The following JAKMIP1 variants were observed in gnomAD, a reference collection of about 807,000 sequenced individuals.
The protein encoded by JAKMIP1 is janus kinase and microtubule-interacting protein 1.
In JAKMIP1, 33 loss-of-function variants were observed where a neutral mutation model predicts 113.0. That is an observed-to-expected ratio of 0.29 (90% CI 0.22 to 0.39). JAKMIP1 has a LOEUF of 0.39. JAKMIP1 is among the 10% of genes least tolerant of loss of function. The probability of loss-of-function intolerance (pLI) is 1.00; values close to 1 mark genes in which losing one functional copy is unlikely to be tolerated. For missense variants in JAKMIP1, 813 were observed against 1,080.5 expected (o/e 0.75, Z 3.47); for synonymous variants, 480 against 459.9 (o/e 1.04, Z -0.56).
chr4:6,053,329 G>A (rs956025715), intron 13 of JAKMIP1, among the ~76,000 whole-genome samples: 1 of 152,226 alleles, frequency 6.6e-6, no homozygotes, highest in African/African-American at 2.4e-5. Context: ...CATGTGAACA[G>A]CAACTGATCT....
At position 6,135,647 on chromosome 4, in the gene JAKMIP1, C is replaced by G. The variant is rs1293208773; in HGVS notation, c.-147-22650G>C. 6.6e-6 allele frequency among the ~76,000 whole-genome samples: 1 copy of G among 152,222 alleles called. No individual in the cohort carries two copies. Among genetic ancestry groups the G allele is most frequent in the African/African-American group, 2.4e-5 (1 of 41,464 alleles). On this transcript the variant is annotated intron_variant, in intron 1 of 20. Transcript: ENST00000409021. This position sits in a 1 kb window ranked among gnomAD's most constrained non-coding sequence, Gnocchi z 4.9. ...AAATAATCTAGTTCCCTGCATACCA[C>G]TGCATCAACCATACCACCCCCGCTG... is the stretch of plus-strand genomic sequence containing the variant.
In JAKMIP1 at chr4:6,106,350, C is replaced by T. The variant is rs959175059; in HGVS notation, c.130-383G>A. 2.6e-5 allele frequency among the ~76,000 whole-genome samples: 4 copies of T among 152,024 alleles called. No homozygotes were observed. The highest frequency in any genetic ancestry group is 5.9e-5 in the Non-Finnish European group (4 of 68,022). On this transcript the variant is annotated intron_variant, in intron 2 of 20. Transcript: ENST00000409021. The surrounding 1 kb of genome is among the most constrained non-coding windows in gnomAD (Gnocchi z 5.9). ...AGAAATATATTTCCAGGGCCCCATG[C>T]GCGGACTGTGGAGTTGGAAAAGACA...
At chr4:6,115,814 A>G (rs13111089) in intron 1 of JAKMIP1, among the ~76,000 whole-genome samples, 46,865 of 152,162 alleles carry the variant, frequency 0.31, 7,564 homozygotes, top group African/African-American at 0.36. Context: ...CCACAGGAGC[A>G]GCCCACCGGC....
At chr4:6,030,554 A>G (rs772535633) in intron 19 of JAKMIP1, among the ~76,000 whole-genome samples, 4 of 151,954 alleles carry the variant, frequency 2.6e-5, no homozygotes, top group Non-Finnish European at 5.9e-5. Flanking sequence ...CCAGATCTTC[A>G]TGTGCTCACA....
At chr4:6,169,997 C>G (rs865998254) in intron 1 of JAKMIP1, among the ~76,000 whole-genome samples, 1 of 109,924 alleles carries the variant, frequency 9.1e-6, no homozygotes, top group East Asian at 2.4e-4. Flanking sequence ...ACCACCACCA[C>G]CACCACCACC....
At chr4:6,091,052 C>T (rs1721998564) in intron 3 of JAKMIP1, among the ~76,000 whole-genome samples, 1 of 152,228 alleles carries the variant, frequency 6.6e-6, no homozygotes, top group Non-Finnish European at 1.5e-5. Flanking sequence ...ATTTCTAATC[C>T]AAGCCAGCTG....
chr4:6,168,305 G>A lies in JAKMIP1; in HGVS notation c.-148+31948C>T, dbSNP rs1723911642. 6.6e-6 allele frequency among the ~76,000 whole-genome samples: 1 copy of A among 152,152 alleles called. No individual in the cohort carries two copies. The highest frequency in any genetic ancestry group is 1.5e-5 in the Non-Finnish European group (1 of 68,036). ...ACTCCTAAATATGTAACTGAAAGAT[G>A]GGAAAACATATGTGCACACAAAAAC... On this transcript the variant is annotated intron_variant, in intron 1 of 20. Transcript: ENST00000409021. The surrounding 1 kb of genome is among the most constrained non-coding windows in gnomAD (Gnocchi z 4.6).
intron 8 of JAKMIP1, among the ~76,000 whole-genome samples, chr4:6,072,792 T>C (rs1719152910): frequency 6.6e-6 from 1 of 152,028 alleles, no homozygotes; most frequent in African/African-American, 2.4e-5. Flanking sequence ...TGGCAAAACT[T>C]GCAAATGAAA....
At chr4:6,148,320 G>C (rs749822377) in intron 1 of JAKMIP1, among the ~76,000 whole-genome samples, 3 of 152,212 alleles carry the variant, frequency 2.0e-5, no homozygotes, top group Non-Finnish European at 2.9e-5. Flanking sequence ...AGTCTTGAAG[G>C]CTGGCTCATG....
intron 1 of JAKMIP1, among the ~76,000 whole-genome samples, chr4:6,175,259 T>C (rs1725206066): frequency 2.0e-5 from 3 of 152,122 alleles, no homozygotes. Flanking sequence ...AGAACTCCCA[T>C]GTGATAGAAC....
rs4689335 is a variant in JAKMIP1, at chr4:6,087,207, G to T, written c.625-1578C>A. 4.3e-4 allele frequency among the ~76,000 whole-genome samples: 65 copies of T among 152,166 alleles called. No homozygotes were observed. In the South Asian group the frequency reaches 4.6e-3, roughly 11 times the overall value. ...ACACAGACTGCCACAGCAGAGAATT[G>T]GGGTGAAGGGCCCTCTTCTGATAGC... On this transcript the variant is annotated intron_variant, in intron 3 of 20. Coordinates refer to ENST00000409021, the MANE Select transcript of JAKMIP1 (RefSeq NM_001099433.2).
intron 1 of JAKMIP1, among the ~76,000 whole-genome samples, chr4:6,131,167 A>AG (rs1718459584): frequency 6.8e-6 from 1 of 146,992 alleles, no homozygotes; most frequent in African/African-American, 2.5e-5. Context: ...GCCTCCAAAA[A>AG]AAAAAAAATA....
At position 6,180,953 on chromosome 4, in the gene JAKMIP1, C is replaced by T. The variant is rs2109040403; in HGVS notation, c.-148+19300G>A. On this transcript the variant is annotated intron_variant, in intron 1 of 20. Coordinates refer to ENST00000409021, the MANE Select transcript of JAKMIP1 (RefSeq NM_001099433.2). The surrounding 1 kb of genome is among the most constrained non-coding windows in gnomAD (Gnocchi z 4.5). ...CCCCTTTATTAACGTGCAAAGACCC[C>T]TTAAGAAGTCCCAGAAAAGGCCCCA... Among the ~76,000 whole-genome samples the T allele has an allele frequency of 6.6e-6, 1 of 152,186 alleles. No homozygotes were observed. The highest frequency in any genetic ancestry group is 1.9e-4 in the East Asian group (1 of 5,170).
rs900157842 is a variant in JAKMIP1 at position 6,088,144 on chromosome 4, C to T, written c.625-2515G>A. Reference sequence around the variant, plus strand: ...AGCGCTATCAGTGGGTGCTGAGAAACATTAGAGAGCAAAAGAGACCAGCCG... The same window carrying T: ...AGCGCTATCAGTGGGTGCTGAGAAATATTAGAGAGCAAAAGAGACCAGCCG... On this transcript the variant is annotated intron_variant, in intron 3 of 20. Coordinates refer to ENST00000409021, the MANE Select transcript of JAKMIP1 (RefSeq NM_001099433.2). The surrounding 1 kb of genome is among the most constrained non-coding windows in gnomAD (Gnocchi z 5.5). Among the ~76,000 whole-genome samples the T allele has an allele frequency of 2.0e-5, 3 of 152,198 alleles. No homozygotes were observed. The highest frequency in any genetic ancestry group is 4.8e-5 in the African/African-American group (2 of 41,446).
rs1005464626 is a variant in JAKMIP1, at chr4:6,199,298, G to A, written c.-148+955C>T. Among the ~76,000 whole-genome samples, 4 of 152,240 alleles carry A rather than the reference G, an allele frequency of 2.6e-5. No homozygotes were observed. Among genetic ancestry groups the A allele is most frequent in the Non-Finnish European group, 4.4e-5 (3 of 68,044 alleles). ...CCAGCCTTCAGGAGACCGGCGAGCT[G>A]GGGTGTGTGGGAGCGGGATGCTTCT... On this transcript the variant is annotated intron_variant, in intron 1 of 20. Transcript: ENST00000409021. The surrounding 1 kb of genome is among the most constrained non-coding windows in gnomAD (Gnocchi z 5.6).
rs1722033293 is a variant in JAKMIP1 at position 6,154,808 on chromosome 4, G to A, written c.-147-41811C>T. Among the ~76,000 whole-genome samples the A allele has an allele frequency of 6.6e-6, 1 of 152,230 alleles. No homozygotes were observed. Among genetic ancestry groups the A allele is most frequent in the South Asian group, 2.1e-4 (1 of 4,818 alleles). On this transcript the variant is annotated intron_variant, in intron 1 of 20. Transcript: ENST00000409021. This position sits in a 1 kb window ranked among gnomAD's most constrained non-coding sequence, Gnocchi z 4.2. Reference sequence around the variant, plus strand: ...TCCTGTTCTGCCTTTGTATCCAGTGGACAGTCCTTCCTTCCTCCTCCACTT... The same window carrying A: ...TCCTGTTCTGCCTTTGTATCCAGTGAACAGTCCTTCCTTCCTCCTCCACTT...
At chr4:6,120,423 G>A (rs1200294426) in intron 1 of JAKMIP1, among the ~76,000 whole-genome samples, 2 of 152,158 alleles carry the variant, frequency 1.3e-5, no homozygotes, top group African/African-American at 4.8e-5. Flanking sequence ...AGCATCATTT[G>A]AATTGTTGAT....
In JAKMIP1 at chr4:6,065,382, G is replaced by A. The variant is rs901657304; in HGVS notation, c.1303-374C>T. On this transcript the variant is annotated intron_variant, in intron 8 of 20. Coordinates refer to ENST00000409021, the MANE Select transcript of JAKMIP1 (RefSeq NM_001099433.2). This position sits in a 1 kb window ranked among gnomAD's most constrained non-coding sequence, Gnocchi z 5.1. ...ATGCATGCCCTGTGCCCAGAAAGCAGCCCAGCACTCCGTCACGCTCCATGA... is the reference window on the plus strand; with the variant it reads ...ATGCATGCCCTGTGCCCAGAAAGCAACCCAGCACTCCGTCACGCTCCATGA... 3.3e-5 allele frequency among the ~76,000 whole-genome samples: 5 copies of A among 152,210 alleles called. No individual in the cohort carries two copies. The highest frequency in any genetic ancestry group is 7.3e-5 in the Non-Finnish European group (5 of 68,028).
At position 6,085,512 on chromosome 4, in the gene JAKMIP1, C is replaced by A; in HGVS notation, c.742G>T (p.Val248Phe). ...LQKEALDEQL[V>F]QVKEAERHHS... ...TGCCGCTCGGCCTCCTTGACCTGAACCAGCTGCTCATCCAAAGCCTCTTTC... is the reference window on the plus strand; with the variant it reads ...TGCCGCTCGGCCTCCTTGACCTGAAACAGCTGCTCATCCAAAGCCTCTTTC... Residue 248 changes from valine to phenylalanine, a missense_variant, in exon 4 of 21, where the codon GTT (valine) becomes TTT (phenylalanine). Transcript: ENST00000409021. The A allele has an allele frequency of 6.2e-7, 1 of 1,614,224 alleles. No homozygotes were observed. Among genetic ancestry groups the A allele is most frequent in the Non-Finnish European group, 8.5e-7 (1 of 1,180,048 alleles).
Sources: gnomAD v4.1 joint callset for allele counts (sites outside exome capture counted in the v4.1 genomes callset) on GRCh38, gnomAD v4.1.1 for gene constraint, Gnocchi (gnomAD v3.1) non-coding constraint, MANE v1.5 for transcripts, NCBI Gene and HGNC (gene_info 2026-07-23, HGNC 2026-07-21) for gene names.